Variants in BAZ2B observed in about 807,000 individuals in gnomAD.
BAZ2B encodes bromodomain adjacent to zinc finger domain 2B, also known as bromodomain adjacent to zinc finger domain protein 2B.
In BAZ2B, 91 loss-of-function variants were observed where a neutral mutation model predicts 246.0. The ratio of observed to expected loss-of-function variants is 0.37; its 90% CI spans 0.31 to 0.44. BAZ2B has a LOEUF of 0.44. Among genes scored for constraint, BAZ2B ranks in the 20% least tolerant of loss-of-function variants. BAZ2B has a pLI of 1.00. For missense variants in BAZ2B, 2,332 were observed against 2,533.7 expected (o/e 0.92, Z 1.71); for synonymous variants, 855 against 860.0 (o/e 0.99, Z 0.10).
At chr2:159,543,452 C>G (rs531661774) in intron 2 of BAZ2B, among the ~76,000 whole-genome samples, 4 of 151,344 alleles carry the variant, frequency 2.6e-5, no homozygotes, top group African/African-American at 9.7e-5. Context: ...CTCTGAGATG[C>G]TTATCCTTTT....
rs550209704 is a variant in BAZ2B at position 159,480,513 on chromosome 2, T to C, written c.-2-1792A>G. 1.1e-4 allele frequency among the ~76,000 whole-genome samples: 17 copies of C among 152,262 alleles called. No individual in the cohort carries two copies. In the South Asian group the frequency reaches 3.3e-3, roughly 30 times the overall value. ...TGTATACATACTGCTTAATGGATAT[T>C]ACTTTCCCTGAAGAATTAATCTGAA... On this transcript the variant is annotated intron_variant, in intron 2 of 36. Transcript: ENST00000392783.
the BAZ2B span, among the ~76,000 whole-genome samples, chr2:159,690,897 C>T: frequency 1.4e-4 from 21 of 152,078 alleles, no homozygotes; most frequent in East Asian, 4.1e-3. Flanking sequence ...ACTGTATTGG[C>T]TAATATTCCC....
chr2:159,396,795 A>G (rs1559252929), intron 19 of BAZ2B, among the ~76,000 whole-genome samples: 1 of 152,108 alleles, frequency 6.6e-6, no homozygotes, highest in Non-Finnish European at 1.5e-5. Context: ...ATTATATCTA[A>G]TTGTATAGTG....
chr2:159,355,889 G>A (rs1160790938), intron 27 of BAZ2B, among the ~76,000 whole-genome samples: 3 of 152,206 alleles, frequency 2.0e-5, no homozygotes, highest in Non-Finnish European at 4.4e-5. Flanking sequence ...CAAGGGGTCC[G>A]GGAACTCCCT....
chr2:159,666,371 A>G, the BAZ2B span, among the ~76,000 whole-genome samples: 1 of 149,760 alleles, frequency 6.7e-6, no homozygotes, highest in Non-Finnish European at 1.5e-5. Flanking sequence ...GTGATCTTCC[A>G]ACCTCAGCCT....
At chr2:159,502,151 G>C (rs1345410758) in intron 2 of BAZ2B, among the ~76,000 whole-genome samples, 1 of 152,074 alleles carries the variant, frequency 6.6e-6, no homozygotes, top group East Asian at 1.9e-4. Flanking sequence ...TAGAACTATG[G>C]GTAGGTTGGG....
chr2:159,674,520 G>T, the BAZ2B span, among the ~76,000 whole-genome samples: 1 of 151,892 alleles, frequency 6.6e-6, no homozygotes, highest in African/African-American at 2.4e-5. Flanking sequence ...TTGGAGACCA[G>T]CCTGGCCAAC....
intron 1 of BAZ2B, among the ~76,000 whole-genome samples, chr2:159,593,353 C>T (rs1435687924): frequency 6.6e-6 from 1 of 151,838 alleles, no homozygotes; most frequent in East Asian, 1.9e-4. Context: ...AATGTTCCTG[C>T]GAGGAAAAAT....
rs759871322 is a variant in BAZ2B at position 159,337,710 on chromosome 2, T to C, written c.5517A>G (p.Ser1839=). 1 of 1,614,062 alleles carries C rather than the reference T, an allele frequency of 6.2e-7. No homozygotes were observed. The highest frequency in any genetic ancestry group is 8.5e-7 in the Non-Finnish European group (1 of 1,180,030). Residue 1839 remains serine (S), a synonymous_variant, in exon 32 of 37, where the codon TCA becomes TCG. Transcript: ENST00000392783. ...REDLVYFEHK[S]FTKLCKEHDG... Reference sequence around the variant, plus strand: ...CATGCTCCTTGCACAATTTAGTAAATGATTTATGTTCAAAATATACCAAGT... The same window carrying C: ...CATGCTCCTTGCACAATTTAGTAAACGATTTATGTTCAAAATATACCAAGT...
chr2:159,416,122 C>G (rs1302609701), intron 13 of BAZ2B, among the ~76,000 whole-genome samples: 1 of 151,974 alleles, frequency 6.6e-6, no homozygotes, highest in Non-Finnish European at 1.5e-5. Context: ...AAAGCACAGC[C>G]AAGATTATGT....
chr2:159,371,735 C>T (rs2060874361), intron 27 of BAZ2B, among the ~76,000 whole-genome samples: 4 of 152,194 alleles, frequency 2.6e-5, no homozygotes, highest in Admixed American at 2.0e-4. Flanking sequence ...TCTCCAAGAG[C>T]TCACAGTCTA....
rs182670027 is a variant in BAZ2B, at chr2:159,483,630, A to G, written c.-2-4909T>C. 3.6e-3 allele frequency among the ~76,000 whole-genome samples: 554 copies of G among 152,216 alleles called. 1 individual carries two copies. The highest frequency in any genetic ancestry group is 6.8e-3 in the Middle Eastern group (2 of 294). On this transcript the variant is annotated intron_variant, in intron 2 of 36. Coordinates refer to ENST00000392783, the MANE Select transcript of BAZ2B (RefSeq NM_013450.4). The stretch of plus-strand genomic sequence containing the variant: ...TGTCTCTACTAAAAATACAAAAATT[A>G]GCAAGACCCACGCGGTAGTGGGTGC...
In BAZ2B at chr2:159,336,947, T is replaced by A; in HGVS notation, c.5791A>T (p.Lys1931Ter). Residue 1931 changes from lysine (K) to a stop codon, truncating the protein, a stop_gained, in exon 33 of 37, where the codon AAA (lysine) becomes TAA (stop). Transcript: ENST00000392783. LOFTEE classifies it high-confidence loss of function. ...TCTTAAATAAAAACACTTACAACTT[T>A]CATAATTGATTTTTCCCATGCTATT... ...KSIAWEKSIMKVYCQICRKGD... is the reference protein window; with the variant it reads ...KSIAWEKSIM 1 of 1,600,512 alleles carries A rather than the reference T, an allele frequency of 6.2e-7. No homozygotes were observed. The highest frequency in any genetic ancestry group is 8.5e-7 in the Non-Finnish European group (1 of 1,171,394).
intron 2 of BAZ2B, among the ~76,000 whole-genome samples, chr2:159,519,117 G>A (rs1022500402): frequency 1.3e-5 from 2 of 149,708 alleles, no homozygotes; most frequent in Non-Finnish European, 3.0e-5. Context: ...TAGGAAGTGT[G>A]CAATTCTTAT....
At chr2:159,697,691 C>G in the BAZ2B span, among the ~76,000 whole-genome samples, 2 of 152,104 alleles carry the variant, frequency 1.3e-5, no homozygotes, top group Non-Finnish European at 2.9e-5. Context: ...ATATTAAAAA[C>G]AAAATATTGA....
At chr2:159,598,248 T>A (rs1465939306) in intron 1 of BAZ2B, among the ~76,000 whole-genome samples, 1 of 152,022 alleles carries the variant, frequency 6.6e-6, no homozygotes, top group African/African-American at 2.4e-5. Flanking sequence ...CACCTCAGCC[T>A]CCCAAAGTGC....
the BAZ2B span, chr2:159,693,609 G>A: frequency 6.6e-6 from 1 of 151,714 alleles, no homozygotes; most frequent in Non-Finnish European, 1.5e-5. Flanking sequence ...TTTTTGTAGA[G>A]TCAGGGTCTC....
intron 2 of BAZ2B, among the ~76,000 whole-genome samples, chr2:159,504,048 C>T (rs1057128964): frequency 6.6e-6 from 1 of 152,078 alleles, no homozygotes; most frequent in Non-Finnish European, 1.5e-5. Context: ...TTTATCCTAA[C>T]ATTAAATAAA....
intron 2 of BAZ2B, among the ~76,000 whole-genome samples, chr2:159,544,315 C>T (rs375405247): frequency 1.8e-4 from 28 of 152,236 alleles, no homozygotes; most frequent in African/African-American, 5.1e-4. Flanking sequence ...AGATTAGTAC[C>T]TGGCGCACAG....
Sources: allele counts gnomAD v4.1 joint callset (sites outside exome capture counted in the v4.1 genomes callset), GRCh38; gene constraint gnomAD v4.1.1; transcripts MANE v1.5; gene names NCBI Gene and HGNC (gene_info 2026-07-23, HGNC 2026-07-21).